Variants in NDUFAF2 observed in about 807,000 individuals in gnomAD.
The protein encoded by NDUFAF2 is NADH dehydrogenase [ubiquinone] 1 alpha subcomplex assembly factor 2.
In NDUFAF2, 13 loss-of-function variants were observed where a neutral mutation model predicts 22.8. That is an observed-to-expected ratio of 0.57 (90% CI 0.37 to 0.91). The LOEUF (loss-of-function observed/expected upper bound fraction) is 0.91, where lower values mean the gene tolerates loss of function less well. Ranked by LOEUF, NDUFAF2 falls within the 40% of genes least tolerant of loss-of-function variation. NDUFAF2 has a pLI of 0.01. For synonymous variants in NDUFAF2, 53 were observed against 64.2 expected, an observed-to-expected ratio of 0.83 and a Z score of 0.84; for missense variants, 162 against 195.2, an observed-to-expected ratio of 0.83 and a Z score of 1.01.
At chr5:61,108,358 A>G (rs1752794652) in intron 3 of NDUFAF2, among the ~76,000 whole-genome samples, 1 of 148,660 alleles carries the variant, frequency 6.7e-6, no homozygotes. Flanking sequence ...CCTCTCCAGC[A>G]CCTGTTGTTT....
At chr5:61,027,512 A>T (rs2112607572) in intron 1 of NDUFAF2, among the ~76,000 whole-genome samples, 1 of 152,120 alleles carries the variant, frequency 6.6e-6, no homozygotes, top group South Asian at 2.1e-4. Context: ...ACCAAAGCAA[A>T]ACTGTTTTGT....
intron 3 of NDUFAF2, among the ~76,000 whole-genome samples, chr5:61,108,509 T>A (rs1752796928): frequency 6.6e-6 from 1 of 151,466 alleles, no homozygotes; most frequent in Non-Finnish European, 1.5e-5. Flanking sequence ...TTTATGCAGC[T>A]TATGGGGTAT....
intron 3 of NDUFAF2, chr5:61,115,649 A>G (rs1752903186): frequency 1.3e-5 from 2 of 152,148 alleles, no homozygotes; most frequent in Non-Finnish European, 2.9e-5. Context: ...CTCTCATTTC[A>G]TAAAACACCA....
At chr5:61,056,345 A>C (rs913919467) in intron 1 of NDUFAF2, among the ~76,000 whole-genome samples, 1 of 152,212 alleles carries the variant, frequency 6.6e-6, no homozygotes, top group Admixed American at 6.5e-5. Context: ...TCATTGAGAA[A>C]TAATGAATAA....
intron 1 of NDUFAF2, among the ~76,000 whole-genome samples, chr5:60,954,657 A>G (rs918070898): frequency 6.6e-6 from 1 of 151,898 alleles, no homozygotes. Flanking sequence ...TTCCTGTTAA[A>G]TATCAAGGAA....
At chr5:61,088,566 G>T (rs1752531776) in intron 2 of NDUFAF2, among the ~76,000 whole-genome samples, 1 of 152,062 alleles carries the variant, frequency 6.6e-6, no homozygotes, top group African/African-American at 2.4e-5. Flanking sequence ...TTGTGGAATT[G>T]CACACTTGAA....
intron 3 of NDUFAF2, among the ~76,000 whole-genome samples, chr5:61,128,216 T>C (rs1484137108): frequency 1.3e-5 from 2 of 152,142 alleles, no homozygotes; most frequent in Admixed American, 6.5e-5. Flanking sequence ...AAAATGGCCA[T>C]ACTGCCCAAG....
rs944183752 is a variant in NDUFAF2, at chr5:60,982,516, A to G, written c.127+37134A>G. ...TGCACCCATTAACTCATCATTTAAC[A>G]TTAGGTATATCTCCTAATGCTATCC... is the stretch of plus-strand genomic sequence containing the variant. On this transcript the variant is annotated intron_variant, in intron 1 of 3. Transcript: ENST00000296597. Among the ~76,000 whole-genome samples, 9 of 151,474 alleles carry G rather than the reference A, an allele frequency of 5.9e-5. 1 individual carries two copies. In the East Asian group the frequency reaches 1.8e-3, roughly 30 times the overall value.
chr5:61,056,564 T>C (rs1752093715), intron 1 of NDUFAF2, among the ~76,000 whole-genome samples: 1 of 152,004 alleles, frequency 6.6e-6, no homozygotes, highest in Non-Finnish European at 1.5e-5. Flanking sequence ...AAGTTTGTCA[T>C]AGGAAGAGTT....
chr5:61,135,344 C>G (rs1364440191), intron 3 of NDUFAF2, among the ~76,000 whole-genome samples: 1 of 152,040 alleles, frequency 6.6e-6, no homozygotes, highest in Non-Finnish European at 1.5e-5. Context: ...CTTTTTACAC[C>G]AGAGAGCAAA....
intron 1 of NDUFAF2, among the ~76,000 whole-genome samples, chr5:61,039,948 A>G (rs1289148193): frequency 6.6e-6 from 1 of 152,160 alleles, no homozygotes; most frequent in Non-Finnish European, 1.5e-5. Context: ...ATATTCTGTT[A>G]AATCATCTCA....
At chr5:61,113,363 T>C (rs1011507113) in intron 3 of NDUFAF2, among the ~76,000 whole-genome samples, 1 of 152,180 alleles carries the variant, frequency 6.6e-6, no homozygotes, top group South Asian at 2.1e-4. Flanking sequence ...TTCTTAGCTT[T>C]GTTTATTTTG....
At chr5:61,119,052 TA>T (rs1172789436) in intron 3 of NDUFAF2, among the ~76,000 whole-genome samples, 2 of 152,166 alleles carry the variant, frequency 1.3e-5, no homozygotes, top group Non-Finnish European at 2.9e-5. Flanking sequence ...TTACATATTT[TA>T]AAAGAACATA....
chr5:61,049,055 T>C (rs1751990857), intron 1 of NDUFAF2, among the ~76,000 whole-genome samples: 2 of 152,168 alleles, frequency 1.3e-5, no homozygotes, highest in Admixed American at 1.3e-4. Context: ...TTCAGTATAT[T>C]ATATTAGAGT....
intron 1 of NDUFAF2, among the ~76,000 whole-genome samples, chr5:60,993,642 C>T (rs77679535): frequency 0.02 from 3,083 of 152,158 alleles, 118 homozygotes; most frequent in African/African-American, 0.07. Context: ...TTCCTCTCTG[C>T]GGGTGGTCAT....
At chr5:61,113,967 A>C (rs1417396096) in intron 3 of NDUFAF2, among the ~76,000 whole-genome samples, 1 of 152,032 alleles carries the variant, frequency 6.6e-6, no homozygotes, top group Non-Finnish European at 1.5e-5. Context: ...TTTATCCTTA[A>C]CCTTTGGGAG....
At chr5:61,032,354 T>A (rs1245319538) in intron 1 of NDUFAF2, among the ~76,000 whole-genome samples, 1 of 152,200 alleles carries the variant, frequency 6.6e-6, no homozygotes, top group Non-Finnish European at 1.5e-5. Flanking sequence ...GTTTTTATGG[T>A]TTTAGGTCTT....
chr5:61,085,198 T>C (rs1752491941), intron 2 of NDUFAF2, among the ~76,000 whole-genome samples: 1 of 152,158 alleles, frequency 6.6e-6, no homozygotes, highest in Admixed American at 6.6e-5. Context: ...AAGGGCAGTA[T>C]ACCATGACCA....
intron 1 of NDUFAF2, among the ~76,000 whole-genome samples, chr5:61,008,798 T>C (rs981958454): frequency 6.6e-6 from 1 of 152,068 alleles, no homozygotes; most frequent in African/African-American, 2.4e-5. Flanking sequence ...ATCTCTTCCA[T>C]AGAGGCAGAT....
Sources: gnomAD v4.1 joint callset for allele counts (sites outside exome capture counted in the v4.1 genomes callset) on GRCh38, gnomAD v4.1.1 for gene constraint, MANE v1.5 for transcripts, NCBI Gene and HGNC (gene_info 2026-07-23, HGNC 2026-07-21) for gene names.